STX8: variants seen among roughly 807,000 people sequenced by gnomAD.
The protein encoded by STX8 is syntaxin 8.
STX8 carries 23 observed loss-of-function variants against 37.5 expected under a neutral mutation model. The ratio of observed to expected loss-of-function variants is 0.61; its 90% CI spans 0.44 to 0.87. The LOEUF is 0.87. Ranked by LOEUF, STX8 falls within the 40% of genes least tolerant of loss-of-function variation. The probability of loss-of-function intolerance (pLI) is 0.00; values close to 1 mark genes in which losing one functional copy is unlikely to be tolerated. For synonymous variants in STX8, 115 were observed against 99.1 expected, an observed-to-expected ratio of 1.16 and a Z score of -0.95; for missense variants, 313 against 284.7, an observed-to-expected ratio of 1.10 and a Z score of -0.71.
At chr17:9,571,260 TG>T (rs1907675981) in intron 1 of STX8, among the ~76,000 whole-genome samples, 1 of 152,046 alleles carries the variant, frequency 6.6e-6, no homozygotes, top group South Asian at 2.1e-4. Context: ...TTGGAATCAC[TG>T]GGGAATCTTT....
chr17:9,255,127 T>C (rs1898998716), intron 7 of STX8, among the ~76,000 whole-genome samples: 1 of 152,156 alleles, frequency 6.6e-6, no homozygotes, highest in Non-Finnish European at 1.5e-5. Context: ...AGTGGAACTA[T>C]TATTAATACA....
intron 7 of STX8, among the ~76,000 whole-genome samples, chr17:9,311,669 C>A (rs1046744157): frequency 4.6e-5 from 7 of 152,122 alleles, no homozygotes; most frequent in African/African-American, 1.7e-4. Context: ...AGCTGTGTGG[C>A]CTTGGGTAAA....
intron 3 of STX8, among the ~76,000 whole-genome samples, chr17:9,547,627 CA>C (rs11377271): frequency 1.9e-5 from 1 of 53,294 alleles, no homozygotes; most frequent in Non-Finnish European, 3.3e-5. Context: ...GACTCCGTCT[CA>C]AAAAAAAAAA....
intron 7 of STX8, among the ~76,000 whole-genome samples, chr17:9,265,180 A>G (rs1236391528): frequency 1.3e-5 from 2 of 151,832 alleles, no homozygotes; most frequent in Non-Finnish European, 2.9e-5. Context: ...TTTCTCTTTC[A>G]CGGTCACATA....
At chr17:9,415,645 T>C (rs1026436573) in intron 6 of STX8, among the ~76,000 whole-genome samples, 3 of 152,082 alleles carry the variant, frequency 2.0e-5, no homozygotes, top group Admixed American at 6.6e-5. Context: ...GGCAGGCGCC[T>C]GTAGTCCCAG....
At chr17:9,488,303 G>A (rs1204481236) in intron 6 of STX8, among the ~76,000 whole-genome samples, 1 of 145,242 alleles carries the variant, frequency 6.9e-6, no homozygotes, top group Non-Finnish European at 1.5e-5. Context: ...TCCAGCCTGG[G>A]CAACAAGGGC....
intron 6 of STX8, among the ~76,000 whole-genome samples, chr17:9,430,112 TATAAATA>T (rs1913895680): frequency 1.1e-5 from 1 of 89,042 alleles, no homozygotes; most frequent in African/African-American, 4.2e-5. Context: ...ATATTTTATA[TATAAATA>T]AATATAAATA....
At chr17:9,570,912 G>A (rs1907664482) in intron 1 of STX8, among the ~76,000 whole-genome samples, 1 of 152,188 alleles carries the variant, frequency 6.6e-6, no homozygotes, top group South Asian at 2.1e-4. Flanking sequence ...TCAGACAGGA[G>A]GGAGGAGCAC....
At chr17:9,353,393 G>T (rs1339782039) in intron 7 of STX8, among the ~76,000 whole-genome samples, 1 of 152,118 alleles carries the variant, frequency 6.6e-6, no homozygotes, top group African/African-American at 2.4e-5. Flanking sequence ...CCAAGAACTG[G>T]GTGTAAACTG....
At chr17:9,483,223 T>C (rs1906421724) in intron 6 of STX8, among the ~76,000 whole-genome samples, 1 of 151,832 alleles carries the variant, frequency 6.6e-6, no homozygotes, top group Non-Finnish European at 1.5e-5. Flanking sequence ...ATTTCCTGGC[T>C]TTATTCCAGC....
At chr17:9,424,284 C>T (rs1261442595) in intron 6 of STX8, among the ~76,000 whole-genome samples, 2 of 152,018 alleles carry the variant, frequency 1.3e-5, no homozygotes, top group African/African-American at 2.4e-5. Flanking sequence ...ACGCATTCCT[C>T]GTTCCCTGGG....
At chr17:9,502,598 C>A (rs1013440491) in intron 5 of STX8, among the ~76,000 whole-genome samples, 2 of 152,086 alleles carry the variant, frequency 1.3e-5, no homozygotes, top group Non-Finnish European at 2.9e-5. Flanking sequence ...AAAAGTCAAA[C>A]AGCTACTATA....
At chr17:9,394,665 G>A (rs1332756193) in intron 6 of STX8, among the ~76,000 whole-genome samples, 2 of 151,396 alleles carry the variant, frequency 1.3e-5, no homozygotes, top group East Asian at 2.0e-4. Flanking sequence ...GCGCCTGGCC[G>A]AAAAGCTCAT....
chr17:9,380,260 T>G (rs1230056632), intron 6 of STX8, among the ~76,000 whole-genome samples: 4 of 145,916 alleles, frequency 2.7e-5, no homozygotes, highest in African/African-American at 5.1e-5. Flanking sequence ...GTGTGTTTTT[T>G]TTTTTTTTTT....
At chr17:9,267,946 G>A (rs868277476) in intron 7 of STX8, among the ~76,000 whole-genome samples, 2 of 150,212 alleles carry the variant, frequency 1.3e-5, no homozygotes, top group African/African-American at 4.9e-5. Flanking sequence ...AGCTGAGATC[G>A]TGCCATTGCA....
In STX8 at chr17:9,563,194, T is replaced by TTTAC. The variant is rs1348820797; in HGVS notation, c.117+5176_117+5177insGTAA. Among the ~76,000 whole-genome samples, 371 of 148,150 alleles carry TTTAC rather than the reference T, an allele frequency of 2.5e-3. 2 individuals carry two copies. The highest frequency in any genetic ancestry group is 9.1e-3 in the African/African-American group (350 of 38,620). Reference sequence around the variant, plus strand: ...ATTTATTTATTTATTTATTTATTTATTTATTGAGACAGAGTTTCATTCTTG... The same window carrying TTTAC: ...ATTTATTTATTTATTTATTTATTTATTTACTTATTGAGACAGAGTTTCATTCTTG... On this transcript the variant is annotated intron_variant, in intron 2 of 7. Transcript: ENST00000306357.
At chr17:9,526,380 C>T (rs1383466950) in intron 4 of STX8, among the ~76,000 whole-genome samples, 4 of 152,066 alleles carry the variant, frequency 2.6e-5, no homozygotes, top group African/African-American at 9.7e-5. Context: ...GGCCTAAGAC[C>T]GCCCCCACCC....
chr17:9,473,329 A>C (rs967164417), intron 6 of STX8, among the ~76,000 whole-genome samples: 3 of 152,098 alleles, frequency 2.0e-5, no homozygotes, highest in Non-Finnish European at 4.4e-5. Flanking sequence ...ATGTCTCAGG[A>C]TCTTTTCTGC....
intron 4 of STX8, among the ~76,000 whole-genome samples, chr17:9,506,420 C>CCCCCCCCCCCA (rs1555532616): frequency 9.6e-6 from 1 of 104,118 alleles, no homozygotes; most frequent in Non-Finnish European, 2.1e-5. Context: ...CCCCCCCCCC[C>CCCCCCCCCCCA]ACCCACCTTT....
Sources: allele counts gnomAD v4.1 joint callset (sites outside exome capture counted in the v4.1 genomes callset), GRCh38; gene constraint gnomAD v4.1.1; transcripts MANE v1.5; gene names NCBI Gene and HGNC (gene_info 2026-07-23, HGNC 2026-07-21).